Variants in WDR59 observed in about 807,000 individuals in gnomAD.
The protein encoded by WDR59 is WD repeat domain 59.
WDR59 carries 100 observed loss-of-function variants against 131.2 expected under a neutral mutation model. The observed-to-expected ratio is 0.76, with a 90% CI of 0.65 to 0.90. WDR59 has a LOEUF of 0.90. Among genes scored for constraint, WDR59 ranks in the 40% least tolerant of loss-of-function variants. The pLI is 0.00. For synonymous variants in WDR59, 601 were observed against 466.2 expected (o/e 1.29, Z -3.72); for missense variants, 1,203 against 1,262.2 (o/e 0.95, Z 0.71).
intron 1 of WDR59, chr16:74,984,726 G>C (rs1250091605): frequency 3.5e-6 from 2 of 572,944 alleles, no homozygotes; most frequent in Admixed American, 6.1e-5. Flanking sequence ...TCACAAGGCG[G>C]ACCCCACTCC....
intron 3 of WDR59, among the ~76,000 whole-genome samples, chr16:74,953,690 A>G (rs532117855): frequency 2.3e-4 from 35 of 152,230 alleles, no homozygotes; most frequent in African/African-American, 7.7e-4. Flanking sequence ...AAAAATGCAA[A>G]CAACCCAATT....
At chr16:74,913,076 G>C (rs1026975913) in intron 13 of WDR59, among the ~76,000 whole-genome samples, 8 of 149,874 alleles carry the variant, frequency 5.3e-5, no homozygotes, top group African/African-American at 9.7e-5. Context: ...ATTTTGGGGG[G>C]GGGGGGGGCC....
At chr16:74,900,368 T>C (rs1201011910) in intron 18 of WDR59, among the ~76,000 whole-genome samples, 1 of 152,200 alleles carries the variant, frequency 6.6e-6, no homozygotes, top group Non-Finnish European at 1.5e-5. Context: ...AGAGACCTTC[T>C]TGAAAGCACC....
At chr16:74,955,630 C>T (rs891569404) in intron 3 of WDR59, among the ~76,000 whole-genome samples, 13 of 152,136 alleles carry the variant, frequency 8.5e-5, no homozygotes, top group Non-Finnish European at 1.5e-4. Context: ...GGAAGGGCGG[C>T]TTTCTGTTCC....
intron 25 of WDR59, among the ~76,000 whole-genome samples, chr16:74,885,093 T>G (rs2144788793): frequency 6.6e-6 from 1 of 152,348 alleles, no homozygotes; most frequent in African/African-American, 2.4e-5. Flanking sequence ...GTGGAATAAA[T>G]GAAGAAATAT....
intron 4 of WDR59, among the ~76,000 whole-genome samples, chr16:74,951,170 A>AAAAG (rs1255198683): frequency 1.3e-5 from 2 of 151,570 alleles, no homozygotes; most frequent in Admixed American, 1.3e-4. Flanking sequence ...AAAAAAAAAA[A>AAAAG]AAAAAAAAAA....
At chr16:74,981,208 A>AAT (rs930559480) in intron 1 of WDR59, among the ~76,000 whole-genome samples, 19 of 151,414 alleles carry the variant, frequency 1.3e-4, no homozygotes, top group African/African-American at 3.9e-4. Flanking sequence ...TACTAAAAAA[A>AAT]ATATATATAT....
chr16:74,916,825 C>G (rs1458462534), intron 11 of WDR59, among the ~76,000 whole-genome samples: 1 of 150,106 alleles, frequency 6.7e-6, no homozygotes, highest in East Asian at 2.0e-4. Context: ...CGTGGCTGCA[C>G]TCCAGCCTGG....
In WDR59 at chr16:74,879,733, A is replaced by AT. The variant is rs1964389880; in HGVS notation, c.2690-5290dup. ...AAAAAAAACCAAAAAAGATCTTAAT[A>AT]TAGATTATAAGATATCAAATCACCA... On this transcript the variant is annotated intron_variant, in intron 25 of 25. Coordinates refer to ENST00000262144, the MANE Select transcript of WDR59 (RefSeq NM_030581.4). Among the ~76,000 whole-genome samples the AT allele has an allele frequency of 5.3e-5, 8 of 152,352 alleles. No individual in the cohort carries two copies. The South Asian group carries it at 1.7e-3, about 32-fold the overall frequency.
At chr16:74,929,312 T>G (rs8056464) in intron 8 of WDR59, among the ~76,000 whole-genome samples, 6,011 of 152,234 alleles carry the variant, frequency 0.039, 385 homozygotes, top group African/African-American at 0.14. Flanking sequence ...CCTGACCTCG[T>G]GATCCACCTG....
chr16:74,886,750 T>A (rs1035300955), intron 23 of WDR59, among the ~76,000 whole-genome samples: 7 of 151,966 alleles, frequency 4.6e-5, no homozygotes, highest in Non-Finnish European at 1.0e-4. Flanking sequence ...TGAAATTATG[T>A]CTTTACTTAA....
In WDR59 at chr16:74,944,463, C is replaced by CA. The variant is rs527514875; in HGVS notation, c.446-1638dup. Among the ~76,000 whole-genome samples, 502 of 93,030 alleles carry CA rather than the reference C, an allele frequency of 5.4e-3. 3 individuals carry two copies. Among genetic ancestry groups the CA allele is most frequent in the African/African-American group, 9.2e-3 (229 of 24,956 alleles). The allele number at this position is 93,030 out of a possible 152,430, so 61.0% of individuals were successfully genotyped here. Reference sequence around the variant, plus strand: ...CCTGGGCAACAGAGCAAGACTGTCTCAAAAAAAAAAAAAAAAAATCATTAC... The same window carrying CA: ...CCTGGGCAACAGAGCAAGACTGTCTCAAAAAAAAAAAAAAAAAAATCATTAC... On this transcript the variant is annotated intron_variant, in intron 6 of 25. Transcript: ENST00000262144.
chr16:74,951,357 C>T (rs912838470), intron 4 of WDR59, 101 bp downstream of exon 4: 1 of 1,192,982 alleles, frequency 8.4e-7, no homozygotes, highest in Non-Finnish European at 1.2e-6. Context: ...CTGTGCAACA[C>T]AGACAGTCAA....
At position 74,896,146 on chromosome 16, in the gene WDR59, A is replaced by T. The variant is rs561662233; in HGVS notation, c.1867-2334T>A. Among the ~76,000 whole-genome samples, 6 of 152,292 alleles carry T rather than the reference A, an allele frequency of 3.9e-5. No homozygotes were observed. The East Asian group carries it at 1.2e-3, about 29-fold the overall frequency. On this transcript the variant is annotated intron_variant, in intron 18 of 25. Transcript: ENST00000262144. ...ACCTAGAATGGAATATGATCCATCT[A>T]ATTTGGTCTTCTGGATAGGGTGGAA...
intron 1 of WDR59, among the ~76,000 whole-genome samples, chr16:74,976,684 G>A (rs951082259): frequency 3.3e-5 from 5 of 152,084 alleles, no homozygotes; most frequent in African/African-American, 9.7e-5. Context: ...CTTGTGATCC[G>A]CCCACCTTGG....
In WDR59 at chr16:74,916,309, T is replaced by A. The variant is rs4888310; in HGVS notation, c.967-50A>T. The A allele has an allele frequency of 3.1e-6, 5 of 1,609,696 alleles. No homozygotes were observed. The Admixed American group carries it at 8.3e-5, about 27-fold the overall frequency. ...GTTCTAGAGAAGTCCGTGGAAATGA[T>A]TGTCATGTCTGATTAAAGAGTTCTG... On this transcript the variant is annotated intron_variant, in intron 11 of 25. Coordinates refer to ENST00000262144, the MANE Select transcript of WDR59 (RefSeq NM_030581.4).
chr16:74,981,660 A>ATTTTTTTTTTTT (rs1181233727), intron 1 of WDR59, among the ~76,000 whole-genome samples: 4 of 80,860 alleles, frequency 4.9e-5, no homozygotes, highest in African/African-American at 2.9e-4. Flanking sequence ...ATATATATAT[A>ATTTTTTTTTTTT]TTTTTTTTTT....
At chr16:74,918,096 C>T in intron 10 of WDR59, 88 bp from the exon 11 acceptor site, 1 of 1,300,916 alleles carries the variant, frequency 7.7e-7, no homozygotes, top group South Asian at 1.2e-5. Flanking sequence ...ATTCATCCAT[C>T]CATTCAACAA....
Position 74,969,580 on chromosome 16 carries a change from GTTTTTA to G in WDR59, c.55-3764_55-3759del, listed in dbSNP as rs1406200277. ...GCCACTGCACCCGGCCTGTTTTTTTGTTTTTATTTTTGAGATGGAGTTTCACTCTCG... is the reference window on the plus strand; with the variant it reads ...GCCACTGCACCCGGCCTGTTTTTTTGTTTTTGAGATGGAGTTTCACTCTCG... On this transcript the variant is annotated intron_variant, in intron 1 of 25. Coordinates refer to ENST00000262144, the MANE Select transcript of WDR59 (RefSeq NM_030581.4). Among the ~76,000 whole-genome samples the G allele has an allele frequency of 1.9e-4, 16 of 82,928 alleles. No individual in the cohort carries two copies. In the South Asian group the frequency reaches 3.5e-3, roughly 18 times the overall value. 54.4% of individuals were successfully genotyped at this position (82,928 alleles called of 152,430 possible). A position where few individuals can be genotyped will look rare whatever the true frequency, so the allele number is the denominator to read the frequency against.
Sources: gnomAD v4.1 joint callset for allele counts (sites outside exome capture counted in the v4.1 genomes callset) on GRCh38, gnomAD v4.1.1 for gene constraint, MANE v1.5 for transcripts, NCBI Gene and HGNC (gene_info 2026-07-23, HGNC 2026-07-21) for gene names.